Variants in USP3 observed in about 807,000 individuals in gnomAD.
USP3 encodes the protein ubiquitin carboxyl-terminal hydrolase 3.
A neutral mutation model predicts 72.3 loss-of-function variants in USP3; 20 were observed. That is an observed-to-expected ratio of 0.28 (90% CI 0.19 to 0.40). USP3 has a LOEUF of 0.40. USP3 is among the 10% of genes least tolerant of loss of function. The pLI is 1.00. For missense variants in USP3, 479 were observed against 633.9 expected, an observed-to-expected ratio of 0.76 and a Z score of 2.62; for synonymous variants, 222 against 225.3, an observed-to-expected ratio of 0.99 and a Z score of 0.13.
chr15:63,525,901 A>C (rs2065974980), intron 1 of USP3, among the ~76,000 whole-genome samples: 2 of 152,206 alleles, frequency 1.3e-5, no homozygotes, highest in South Asian at 4.1e-4. Flanking sequence ...TGTGTGTTTT[A>C]ATAACTGCTG....
chr15:63,566,478 A>G (rs536951582), intron 8 of USP3, among the ~76,000 whole-genome samples: 1 of 151,922 alleles, frequency 6.6e-6, no homozygotes, highest in African/African-American at 2.4e-5. Context: ...ATACCTGGCT[A>G]ATTTTTTTGT....
intron 3 of USP3, among the ~76,000 whole-genome samples, chr15:63,547,722 T>TAGAG (rs138124125): frequency 1.5e-5 from 1 of 68,096 alleles, no homozygotes; most frequent in Non-Finnish European, 2.9e-5. Context: ...CCTGTCTCAA[T>TAGAG]AGAGAGAGAG....
intron 3 of USP3, among the ~76,000 whole-genome samples, chr15:63,548,171 C>A (rs2152667700): frequency 6.6e-6 from 1 of 150,400 alleles, no homozygotes; most frequent in Admixed American, 6.7e-5. Context: ...GTCTCTGTCA[C>A]CCAGCTGGAG....
At chr15:63,539,227 T>G (rs2066206253) in intron 3 of USP3, among the ~76,000 whole-genome samples, 1 of 152,194 alleles carries the variant, frequency 6.6e-6, no homozygotes, top group South Asian at 2.1e-4. Context: ...CAACAGAAAT[T>G]AATATAATTC....
intron 2 of USP3, among the ~76,000 whole-genome samples, chr15:63,535,178 G>C (rs2066137685): frequency 6.6e-6 from 1 of 152,138 alleles, no homozygotes; most frequent in Non-Finnish European, 1.5e-5. Context: ...TGATCTGCCT[G>C]CCTTAGCCTC....
intron 3 of USP3, among the ~76,000 whole-genome samples, chr15:63,549,201 CA>C (rs1011443217): frequency 2.6e-5 from 4 of 152,144 alleles, no homozygotes; most frequent in African/African-American, 9.7e-5. Context: ...AAGTACATCT[CA>C]ACTCGTGAAG....
At position 63,574,215 on chromosome 15, in the gene USP3, A is replaced by G. The variant is rs2066824611; in HGVS notation, c.1015+63A>G. ...TTAAAATAAATTTAATGTTTCCTTC[A>G]AAAAATAAGTGTAAAGAGAAATCTA... On this transcript the variant is annotated intron_variant, in intron 10 of 14. Transcript: ENST00000380324. This position sits in a 1 kb window ranked among gnomAD's most constrained non-coding sequence, Gnocchi z 4.6. 1 of 1,404,552 alleles carries G rather than the reference A, an allele frequency of 7.1e-7. No homozygotes were observed. The highest frequency in any genetic ancestry group is 9.5e-7 in the Non-Finnish European group (1 of 1,056,070). 87.0% of individuals were successfully genotyped at this position (1,404,552 alleles called of 1,614,324 possible). A position where few individuals can be genotyped will look rare whatever the true frequency, so the allele number is the denominator to read the frequency against.
intron 3 of USP3, among the ~76,000 whole-genome samples, chr15:63,545,453 G>A (rs1320441560): frequency 6.6e-6 from 1 of 152,068 alleles, no homozygotes; most frequent in Non-Finnish European, 1.5e-5. Context: ...ACATACCCAA[G>A]ATGATAATGT....
At chr15:63,589,513 A>G (rs2067144244) in intron 14 of USP3, among the ~76,000 whole-genome samples, 1 of 152,152 alleles carries the variant, frequency 6.6e-6, no homozygotes, top group Non-Finnish European at 1.5e-5. Context: ...CATGTTGAAA[A>G]TCCTTTTCCC....
At chr15:63,510,728 G>A (rs2065769435) in intron 1 of USP3, among the ~76,000 whole-genome samples, 1 of 152,132 alleles carries the variant, frequency 6.6e-6, no homozygotes, top group Non-Finnish European at 1.5e-5. Context: ...TGACAGTTTA[G>A]AATGCTGAGA....
chr15:63,571,171 G>T (rs1157928305), intron 9 of USP3, among the ~76,000 whole-genome samples: 6 of 152,178 alleles, frequency 3.9e-5, no homozygotes, highest in Admixed American at 2.6e-4. Flanking sequence ...AAGAAGGGAA[G>T]ATTTAATGTT....
At chr15:63,563,606 G>A (rs1254447405) in intron 8 of USP3, among the ~76,000 whole-genome samples, 2 of 152,162 alleles carry the variant, frequency 1.3e-5, no homozygotes, top group Non-Finnish European at 2.9e-5. Context: ...TTTTCTCGTA[G>A]GTCTGTCATC....
chr15:63,522,198 T>C (rs1222099593), intron 1 of USP3, among the ~76,000 whole-genome samples: 1 of 152,216 alleles, frequency 6.6e-6, no homozygotes, highest in Admixed American at 6.5e-5. Flanking sequence ...TAATGACTTC[T>C]AGTCTTTTGT....
In USP3 at chr15:63,591,567, C is replaced by G. The variant is rs916596429; in HGVS notation, c.*741C>G. ...ATACATGTAATGTTTAAAAAAAATG[C>G]TGTGACTCACTGACATGGTATAGGT... On this transcript the variant is annotated 3_prime_UTR_variant, in exon 15 of 15. Coordinates refer to ENST00000380324, the MANE Select transcript of USP3 (RefSeq NM_006537.4). 5 of 152,150 alleles carry G rather than the reference C, an allele frequency of 3.3e-5. No homozygotes were observed. Among genetic ancestry groups the G allele is most frequent in the Non-Finnish European group, 7.3e-5 (5 of 68,036 alleles). 9.4% of individuals were successfully genotyped at this position (152,150 alleles called of 1,614,324 possible). A position where few individuals can be genotyped will look rare whatever the true frequency, so the allele number is the denominator to read the frequency against.
At chr15:63,505,201 G>T (rs868407217) in intron 1 of USP3, among the ~76,000 whole-genome samples, 66 of 152,106 alleles carry the variant, frequency 4.3e-4, no homozygotes, top group African/African-American at 1.5e-3. Flanking sequence ...TGGGGCGGGT[G>T]TCCGGCCCCC....
At position 63,590,906 on chromosome 15, in the gene USP3, AT is replaced by A; in HGVS notation, c.*83del. ...CCACAAATACTTGATACAAGATTTAATTTCATTATGCACTTTTCAATTTCCT... is the reference window on the plus strand; with the variant it reads ...CCACAAATACTTGATACAAGATTTAATTCATTATGCACTTTTCAATTTCCT... On this transcript the variant is annotated 3_prime_UTR_variant, in exon 15 of 15. Transcript: ENST00000380324. The A allele has an allele frequency of 6.8e-7, 1 of 1,468,782 alleles. No homozygotes were observed. The highest frequency in any genetic ancestry group is 9.1e-7 in the Non-Finnish European group (1 of 1,100,790). 91.0% of individuals were successfully genotyped at this position (1,468,782 alleles called of 1,614,324 possible).
intron 4 of USP3, among the ~76,000 whole-genome samples, chr15:63,556,120 T>A (rs934774160): frequency 6.6e-6 from 1 of 152,252 alleles, no homozygotes; most frequent in African/African-American, 2.4e-5. Context: ...AGGATGTGTT[T>A]TAGAATGTCC....
chr15:63,588,986 G>A lies in USP3; in HGVS notation c.1372G>A (p.Ala458Thr), dbSNP rs368842645. 6.2e-5 allele frequency: 100 copies of A among 1,613,704 alleles called. No individual in the cohort carries two copies. In the Admixed American group the frequency reaches 1.5e-3, roughly 25 times the overall value. The change falls in exon 14 of 15, where the codon GCT becomes ACT. Residue 458 changes from alanine (A) to threonine (T), a missense_variant. Coordinates refer to ENST00000380324, the MANE Select transcript of USP3 (RefSeq NM_006537.4). This position sits in a 1 kb window ranked among gnomAD's most constrained non-coding sequence, Gnocchi z 4.6. ...GGAGAGCTGCCTGTATGACCTCGCC[G>A]CTGTGGTGGTGCACCATGGTTCCGG... ...GPESCLYDLA[A>T]VVVHHGSGVG...
At chr15:63,545,102 T>C (rs374083272) in intron 3 of USP3, among the ~76,000 whole-genome samples, 12 of 152,302 alleles carry the variant, frequency 7.9e-5, no homozygotes, top group East Asian at 5.8e-4. Flanking sequence ...ATATAAAGTA[T>C]AAGTGTAATG....
Sources: allele counts gnomAD v4.1 joint callset (sites outside exome capture counted in the v4.1 genomes callset), GRCh38; gene constraint gnomAD v4.1.1; non-coding constraint Gnocchi (gnomAD v3.1); transcripts MANE v1.5; gene names NCBI Gene and HGNC (gene_info 2026-07-23, HGNC 2026-07-21).